The following PDGFRL variants were observed in gnomAD, a reference collection of about 807,000 sequenced individuals.
PDGFRL encodes the protein platelet derived growth factor receptor like, also known as platelet-derived growth factor receptor-like protein.
In PDGFRL, 46 loss-of-function variants were observed where a neutral mutation model predicts 37.2. That is an observed-to-expected ratio of 1.24 (90% CI 0.98 to 1.58). The LOEUF (loss-of-function observed/expected upper bound fraction) is 1.58, where lower values mean the gene tolerates loss of function less well. PDGFRL is among the 40% of genes most tolerant of loss of function. PDGFRL has a pLI of 0.00. For synonymous variants in PDGFRL, 251 were observed against 184.3 expected (o/e 1.36, Z -2.93); for missense variants, 692 against 467.6 (o/e 1.48, Z -4.43).
In PDGFRL at chr8:17,634,015, G is replaced by A. The variant is rs1804915586; in HGVS notation, c.800-59G>A. On this transcript the variant is annotated intron_variant, in intron 4 of 5. Coordinates refer to ENST00000251630, the MANE Select transcript of PDGFRL (RefSeq NM_001372073.1). ...CTCCATGGAAAAGAATGCATCTGTA[G>A]GTTTGTTTTCAAGGTTACACTCGGG... The A allele has an allele frequency of 3.9e-6, 6 of 1,544,258 alleles. No homozygotes were observed. The South Asian group carries it at 4.5e-5, about 11-fold the overall frequency.
intron 2 of PDGFRL, among the ~76,000 whole-genome samples, chr8:17,593,515 C>G (rs1042737441): frequency 1.3e-5 from 2 of 151,616 alleles, no homozygotes; most frequent in African/African-American, 4.9e-5. Flanking sequence ...GTGGGATCAC[C>G]TGAGCCCAGG....
At chr8:17,609,645 A>AG (rs1804362870) in intron 2 of PDGFRL, among the ~76,000 whole-genome samples, 1 of 122,864 alleles carries the variant, frequency 8.1e-6, no homozygotes, top group East Asian at 2.6e-4. Context: ...AAAAAAAAAA[A>AG]AAAAAAAAAA....
At chr8:17,596,248 G>C in intron 2 of PDGFRL, 6 of 765,560 alleles carry the variant, frequency 7.8e-6, no homozygotes, top group Non-Finnish European at 1.1e-5. Flanking sequence ...GGGTGTCCAT[G>C]TCCTCTCTGG....
intron 1 of PDGFRL, among the ~76,000 whole-genome samples, chr8:17,582,932 T>G (rs1206312391): frequency 1.3e-5 from 2 of 152,156 alleles, no homozygotes; most frequent in Admixed American, 6.5e-5. Context: ...GGGATGCTAC[T>G]GCCCCTATCT....
At chr8:17,578,886 C>G (rs1009826187) in intron 1 of PDGFRL, among the ~76,000 whole-genome samples, 1 of 151,960 alleles carries the variant, frequency 6.6e-6, no homozygotes, top group Non-Finnish European at 1.5e-5. Flanking sequence ...GATAATAGCA[C>G]GAAGATTTTG....
intron 2 of PDGFRL, 119 bp downstream of exon 2, chr8:17,589,884 A>G (rs1401334976): frequency 1.5e-6 from 1 of 650,334 alleles, no homozygotes; most frequent in African/African-American, 1.8e-5. Flanking sequence ...AATAGATCAT[A>G]AAAATAGAAG....
At chr8:17,622,020 T>G (rs901385149) in intron 3 of PDGFRL, among the ~76,000 whole-genome samples, 2 of 152,150 alleles carry the variant, frequency 1.3e-5, no homozygotes, top group Non-Finnish European at 2.9e-5. Flanking sequence ...GGGGCAAGAT[T>G]CCCAAAGATT....
chr8:17,617,106 C>T (rs912648576), intron 2 of PDGFRL, among the ~76,000 whole-genome samples: 12 of 152,256 alleles, frequency 7.9e-5, no homozygotes, highest in Non-Finnish European at 1.3e-4. Flanking sequence ...GCCAGGGGAG[C>T]GTGTTGGAAG....
chr8:17,618,718 C>T (rs1050338313), intron 2 of PDGFRL, among the ~76,000 whole-genome samples: 8 of 152,144 alleles, frequency 5.3e-5, no homozygotes, highest in African/African-American at 1.4e-4. Context: ...TAACTCAATT[C>T]GCTCATGTTT....
chr8:17,607,081 A>C (rs1442561776), intron 2 of PDGFRL, among the ~76,000 whole-genome samples: 3 of 151,828 alleles, frequency 2.0e-5, no homozygotes, highest in African/African-American at 4.8e-5. Context: ...TTTTGATTGG[A>C]AATGGGGTTT....
chr8:17,587,723 G>A (rs1357038576), intron 1 of PDGFRL, among the ~76,000 whole-genome samples: 1 of 151,858 alleles, frequency 6.6e-6, no homozygotes, highest in Admixed American at 6.6e-5. Flanking sequence ...CGCCTCCCGG[G>A]TTCAAGCAGT....
chr8:17,578,775 CT>C (rs1206743297), intron 1 of PDGFRL, among the ~76,000 whole-genome samples: 2 of 152,186 alleles, frequency 1.3e-5, no homozygotes, highest in Admixed American at 6.5e-5. Flanking sequence ...TAAATTTACC[CT>C]TTCTTTAAGT....
intron 1 of PDGFRL, among the ~76,000 whole-genome samples, chr8:17,582,009 A>C (rs1803717999): frequency 1.3e-5 from 2 of 152,142 alleles, no homozygotes; most frequent in African/African-American, 2.4e-5. Flanking sequence ...AAGAGGAGGG[A>C]AAGTTTGGAA....
chr8:17,638,495 C>T (rs1485522582), intron 5 of PDGFRL, among the ~76,000 whole-genome samples: 3 of 151,784 alleles, frequency 2.0e-5, no homozygotes, highest in East Asian at 2.0e-4. Flanking sequence ...GTTCCATGTG[C>T]TGATGAATAG....
Position 17,628,545 on chromosome 8 carries a change from G to A in PDGFRL, c.564G>A (p.Pro188=), listed in dbSNP as rs932093027. The change falls in exon 4 of 6, where the codon CCG becomes CCA. Residue 188 remains proline, a synonymous_variant. Transcript: ENST00000251630. The part of the protein sequence containing the change: ...PSYFDVVYLN[P]DRQAVVPCRV... ...ACTTCGATGTTGTCTACTTGAACCC[G>A]GACAGACAGGCTGTGGTTCCTTGTC... 1.2e-6 allele frequency: 2 copies of A among 1,613,820 alleles called. No individual in the cohort carries two copies. The highest frequency in any genetic ancestry group is 1.7e-6 in the Non-Finnish European group (2 of 1,179,718).
At chr8:17,580,408 TA>T (rs1475132908) in intron 1 of PDGFRL, among the ~76,000 whole-genome samples, 108 of 152,282 alleles carry the variant, frequency 7.1e-4, no homozygotes, top group Non-Finnish European at 8.8e-5. Context: ...TGAATGCACA[TA>T]ATGAATGCTT....
rs755681979 is a variant in PDGFRL at position 17,642,715 on chromosome 8, G to C, written c.1042G>C (p.Glu348Gln). The stretch of plus-strand genomic sequence containing the variant: ...GAGTGTCATTACAGTGGAAGACTTT[G>C]AGACGATTGATGCAGGATATTACAT... ...SQSVITVEDF[E>Q]TIDAGYYICT... The change falls in exon 6 of 6, where the codon GAG becomes CAG. Residue 348 changes from glutamate to glutamine, a missense_variant. By Grantham distance (29) the Glu-to-Gln change is conservative. Transcript: ENST00000251630. The C allele has an allele frequency of 1.9e-6, 3 of 1,605,394 alleles. No homozygotes were observed. Among genetic ancestry groups the C allele is most frequent in the Non-Finnish European group, 2.6e-6 (3 of 1,171,980 alleles).
At chr8:17,635,251 C>T (rs940041750) in intron 5 of PDGFRL, among the ~76,000 whole-genome samples, 1 of 152,200 alleles carries the variant, frequency 6.6e-6, no homozygotes, top group Non-Finnish European at 1.5e-5. Flanking sequence ...GCAGTGTACA[C>T]TATACCCAAT....
At chr8:17,617,223 C>T (rs1804547460) in intron 2 of PDGFRL, among the ~76,000 whole-genome samples, 1 of 152,132 alleles carries the variant, frequency 6.6e-6, no homozygotes, top group African/African-American at 2.4e-5. Context: ...GCTAGAACTC[C>T]TAGTTTAGAA....
Sources: allele counts gnomAD v4.1 joint callset (sites outside exome capture counted in the v4.1 genomes callset), GRCh38; gene constraint gnomAD v4.1.1; transcripts MANE v1.5; gene names NCBI Gene and HGNC (gene_info 2026-07-23, HGNC 2026-07-21).